TRAF3IP2: variants seen among roughly 807,000 people sequenced by gnomAD.
TRAF3IP2 encodes TRAF3 interacting protein 2.
In TRAF3IP2, 35 loss-of-function variants were observed where a neutral mutation model predicts 57.9. That is an observed-to-expected ratio of 0.60 (90% CI 0.46 to 0.80). The LOEUF is 0.80. TRAF3IP2 is among the 30% of genes least tolerant of loss of function. The pLI is 0.00. For synonymous variants in TRAF3IP2, 251 were observed against 268.9 expected, an observed-to-expected ratio of 0.93 and a Z score of 0.65; for missense variants, 556 against 706.4, an observed-to-expected ratio of 0.79 and a Z score of 2.41.
At chr6:111,595,970 G>A (rs760728786) in intron 1 of TRAF3IP2, among the ~76,000 whole-genome samples, 12 of 152,074 alleles carry the variant, frequency 7.9e-5, no homozygotes, top group Non-Finnish European at 1.5e-4. Context: ...ACCCACGACC[G>A]GCGTCCCAGG....
chr6:111,581,122 C>T (rs1236404005), intron 2 of TRAF3IP2, among the ~76,000 whole-genome samples: 1 of 152,226 alleles, frequency 6.6e-6, no homozygotes, highest in Non-Finnish European at 1.5e-5. Flanking sequence ...GGAGGGTCCC[C>T]AGGGAAGGGC....
intron 1 of TRAF3IP2, among the ~76,000 whole-genome samples, 181 bp from the exon 2 acceptor site, chr6:111,592,275 G>A (rs1470081979): frequency 1.3e-5 from 2 of 152,180 alleles, no homozygotes; most frequent in Non-Finnish European, 2.9e-5. Flanking sequence ...AAGCACTAAT[G>A]CTTATTAAGA....
At chr6:111,595,639 C>T (rs1796659145) in intron 1 of TRAF3IP2, among the ~76,000 whole-genome samples, 2 of 152,052 alleles carry the variant, frequency 1.3e-5, no homozygotes, top group African/African-American at 2.4e-5. Context: ...ACCAGCCTGG[C>T]CAACATGGTG....
intron 1 of TRAF3IP2, chr6:111,601,732 A>G (rs900230949): frequency 1.2e-4 from 18 of 152,238 alleles, no homozygotes; most frequent in African/African-American, 4.3e-4. Flanking sequence ...AGAAATCTAT[A>G]AATTTACAGC....
In TRAF3IP2 at chr6:111,559,513, G is replaced by A. The variant is rs753055967; in HGVS notation, c.1590C>T (p.Tyr530=). The part of the protein sequence containing the change: ...VPTWLQNTHV[Y]SWPKNKKNIL... ...TGTTTTTTTTATTCTTGGGCCAGCTGTAGACATGAGTGTTCTGAAGCCAGG... is the reference window on the plus strand; with the variant it reads ...TGTTTTTTTTATTCTTGGGCCAGCTATAGACATGAGTGTTCTGAAGCCAGG... The change falls in exon 9 of 9, where the codon TAC becomes TAT. Residue 530 remains tyrosine (Y), a synonymous_variant. Coordinates refer to ENST00000368761, the MANE Select transcript of TRAF3IP2 (RefSeq NM_147686.4). 2 of 1,614,196 alleles carry A rather than the reference G, an allele frequency of 1.2e-6. No individual in the cohort carries two copies. The highest frequency in any genetic ancestry group is 1.1e-5 in the South Asian group (1 of 91,082).
intron 2 of TRAF3IP2, among the ~76,000 whole-genome samples, chr6:111,590,935 A>G (rs1354210317): frequency 6.6e-6 from 1 of 152,202 alleles, no homozygotes; most frequent in African/African-American, 2.4e-5. Flanking sequence ...AGAACAAAAA[A>G]TACATTTTCT....
chr6:111,578,383 G>A (rs1467632608), intron 3 of TRAF3IP2, among the ~76,000 whole-genome samples: 2 of 152,178 alleles, frequency 1.3e-5, no homozygotes, highest in Non-Finnish European at 2.9e-5. Flanking sequence ...GCTAACACCC[G>A]TAATCCCAGC....
chr6:111,605,151 A>C (rs1796981868), intron 1 of TRAF3IP2, among the ~76,000 whole-genome samples: 1 of 151,650 alleles, frequency 6.6e-6, no homozygotes, highest in Admixed American at 6.6e-5. Flanking sequence ...AAGAAGCTTG[A>C]TTAGCTTCTA....
chr6:111,555,761 A>G lies in TRAF3IP2; in HGVS notation c.*3644T>C, dbSNP rs1419143611. ...GCCTGAGGACCAGCATAACATCTAAATCAACCGAGTGTTAATCTTATTGTC... is the reference window on the plus strand; with the variant it reads ...GCCTGAGGACCAGCATAACATCTAAGTCAACCGAGTGTTAATCTTATTGTC... On this transcript the variant is annotated 3_prime_UTR_variant, in exon 9 of 9. Coordinates refer to ENST00000368761, the MANE Select transcript of TRAF3IP2 (RefSeq NM_147686.4). Among the ~76,000 whole-genome samples the G allele has an allele frequency of 6.6e-6, 1 of 152,224 alleles. No individual in the cohort carries two copies. Among genetic ancestry groups the G allele is most frequent in the Non-Finnish European group, 1.5e-5 (1 of 68,036 alleles).
chr6:111,583,460 G>A (rs1220572991), intron 2 of TRAF3IP2, among the ~76,000 whole-genome samples: 1 of 152,030 alleles, frequency 6.6e-6, no homozygotes, highest in Admixed American at 6.6e-5. Context: ...TTGCATTACC[G>A]CCTGAGCTCT....
At chr6:111,561,422 G>T (rs1795437967) in intron 8 of TRAF3IP2, among the ~76,000 whole-genome samples, 1 of 152,172 alleles carries the variant, frequency 6.6e-6, no homozygotes, top group Non-Finnish European at 1.5e-5. Flanking sequence ...CCTGATGACA[G>T]AGCAAGACTC....
chr6:111,587,390 G>C (rs767891861), intron 2 of TRAF3IP2, among the ~76,000 whole-genome samples: 2 of 151,938 alleles, frequency 1.3e-5, no homozygotes, highest in Non-Finnish European at 2.9e-5. Flanking sequence ...CCGAGTAGCT[G>C]GGATTACAGG....
intron 1 of TRAF3IP2, chr6:111,597,931 G>C (rs1329081623): frequency 2.2e-6 from 1 of 455,644 alleles, no homozygotes; most frequent in Non-Finnish European, 4.4e-6. Context: ...GAAAAGCCCT[G>C]TTTTCCAGCC....
At chr6:111,569,410 A>G (rs1795755903) in intron 5 of TRAF3IP2, among the ~76,000 whole-genome samples, 1 of 152,232 alleles carries the variant, frequency 6.6e-6, no homozygotes, top group Non-Finnish European at 1.5e-5. Flanking sequence ...ATGAGTTAAC[A>G]TGGAAAAGGC....
In TRAF3IP2 at chr6:111,555,646, G is replaced by T. The variant is rs894570063; in HGVS notation, c.*3759C>A. On this transcript the variant is annotated 3_prime_UTR_variant, in exon 9 of 9. Coordinates refer to ENST00000368761, the MANE Select transcript of TRAF3IP2 (RefSeq NM_147686.4). ...CCACAAACCCACCCCTCAAATCGGT[G>T]TAAGTCTGAATAAAGCCTTTGGGCT... Among the ~76,000 whole-genome samples, 1 of 152,148 alleles carries T rather than the reference G, an allele frequency of 6.6e-6. No individual in the cohort carries two copies. The highest frequency in any genetic ancestry group is 1.5e-5 in the Non-Finnish European group (1 of 68,034).
intron 2 of TRAF3IP2, among the ~76,000 whole-genome samples, chr6:111,587,918 T>TTGTATA (rs1363359416): frequency 2.0e-5 from 3 of 152,228 alleles, no homozygotes; most frequent in African/African-American, 7.2e-5. Flanking sequence ...GTTCTTGTAT[T>TTGTATA]TGTATATGCT....
intron 1 of TRAF3IP2, chr6:111,600,064 G>A (rs1367557649): frequency 6.6e-6 from 1 of 152,192 alleles, no homozygotes; most frequent in African/African-American, 2.4e-5. Flanking sequence ...AGGGAAAATA[G>A]CAACACTTCT....
Position 111,573,130 on chromosome 6 carries a change from T to C in TRAF3IP2, c.1202-147A>G, listed in dbSNP as rs946069867. On this transcript the variant is annotated intron_variant, in intron 4 of 8. Coordinates refer to ENST00000368761, the MANE Select transcript of TRAF3IP2 (RefSeq NM_147686.4). ...GGTGCTCTAAGAGCTTATGCCTACGTTGTATGCTGTCCTCAGGGCACAGCT... is the reference window on the plus strand; with the variant it reads ...GGTGCTCTAAGAGCTTATGCCTACGCTGTATGCTGTCCTCAGGGCACAGCT... 2.0e-5 allele frequency: 13 copies of C among 653,006 alleles called. No individual in the cohort carries two copies. The African/African-American group carries it at 2.4e-4, about 12-fold the overall frequency. The allele number at this position is 653,006 out of a possible 1,614,324, so 40.5% of individuals were successfully genotyped here. A position where few individuals can be genotyped will look rare whatever the true frequency, so the allele number is the denominator to read the frequency against.
chr6:111,588,304 G>A (rs1270475910), intron 2 of TRAF3IP2, among the ~76,000 whole-genome samples: 1 of 152,004 alleles, frequency 6.6e-6, no homozygotes, highest in Admixed American at 6.5e-5. Flanking sequence ...GATCCTAGAT[G>A]TCTCTCCCCA....
Sources: allele counts gnomAD v4.1 joint callset (sites outside exome capture counted in the v4.1 genomes callset), GRCh38; gene constraint gnomAD v4.1.1; transcripts MANE v1.5; gene names NCBI Gene and HGNC (gene_info 2026-07-23, HGNC 2026-07-21).